ACACB: variants seen among roughly 807,000 people sequenced by gnomAD.
ACACB encodes the protein acetyl-CoA carboxylase 2.
A neutral mutation model predicts 278.8 loss-of-function variants in ACACB; 209 were observed. That is an observed-to-expected ratio of 0.75 (90% CI 0.67 to 0.84). The LOEUF (loss-of-function observed/expected upper bound fraction) is 0.84, where lower values mean the gene tolerates loss of function less well. Among genes scored for constraint, ACACB ranks in the 40% least tolerant of loss-of-function variants. ACACB has a pLI of 0.00. For missense variants in ACACB, 2,850 were observed against 3,269.0 expected (o/e 0.87, Z 3.13); for synonymous variants, 1,174 against 1,285.6 (o/e 0.91, Z 1.86).
At position 109,246,246 on chromosome 12, in the gene ACACB, T is replaced by G; in HGVS notation, c.5369T>G (p.Val1790Gly). Residue 1790 changes from valine (V) to glycine (G), a missense_variant, in exon 39 of 53, where the codon GTC (valine) becomes GGC (glycine). By Grantham distance (109) the Val-to-Gly change is moderately radical. Around this residue, in one of 3 missense-constraint regions of ACACB, gnomAD observed 2,265 missense variants for 2,561.3 expected, o/e 0.88. Coordinates refer to ENST00000338432, the MANE Select transcript of ACACB (RefSeq NM_001093.4). ...QEYPEGRDVI[V>G]IGNDITFRIG... ...TACCCGGAAGGACGGGATGTGATCG[T>G]CATCGGCAATGACATCACCTTTCGC... is the stretch of plus-strand genomic sequence containing the variant. 3 of 1,613,624 alleles carry G rather than the reference T, an allele frequency of 1.9e-6. No homozygotes were observed. In the South Asian group the frequency reaches 3.3e-5, roughly 18 times the overall value.
chr12:109,173,658 C>T (rs1288894907), intron 6 of ACACB, among the ~76,000 whole-genome samples: 6 of 152,188 alleles, frequency 3.9e-5, no homozygotes, highest in South Asian at 2.1e-4. Context: ...AAAACATGGT[C>T]GTGCTTATTC....
At position 109,222,587 on chromosome 12, in the gene ACACB, C is replaced by A; in HGVS notation, c.3645C>A (p.Ser1215Arg). The change falls in exon 25 of 53, where the codon AGC (serine) becomes AGA (arginine). Residue 1215 changes from serine to arginine, a missense_variant. Coordinates refer to ENST00000338432, the MANE Select transcript of ACACB (RefSeq NM_001093.4). ...ILNELTQLSK[S>R]EHCKVALRAR... ...ACGAGCTCACTCAGCTGAGCAAAAG[C>A]GAGCACTGCAAAGTGGCCCTCAGAG... The A allele has an allele frequency of 6.2e-7, 1 of 1,614,180 alleles. No individual in the cohort carries two copies. The highest frequency in any genetic ancestry group is 8.5e-7 in the Non-Finnish European group (1 of 1,180,030).
At chr12:109,240,015 G>T in intron 35 of ACACB, 30 bp downstream of exon 35, 1 of 1,606,134 alleles carries the variant, frequency 6.2e-7, no homozygotes, top group Non-Finnish European at 8.5e-7. Context: ...GCTCTCACCG[G>T]GCTCTGGGTT....
intron 27 of ACACB, among the ~76,000 whole-genome samples, chr12:109,224,532 T>TTTATTATTATTATTA (rs34249818): frequency 2.7e-5 from 4 of 150,006 alleles, no homozygotes; most frequent in African/African-American, 7.4e-5. Flanking sequence ...AATCTGCTCT[T>TTTATTATTATTATTA]TTATTATTAT....
At chr12:109,179,324 G>T (rs750905716) in intron 10 of ACACB, 27 bp downstream of exon 10, 2 of 1,602,702 alleles carry the variant, frequency 1.2e-6, no homozygotes, top group Non-Finnish European at 1.7e-6. Flanking sequence ...CCAGGGGGCA[G>T]CTTCAGAGAG....
intron 20 of ACACB, 32 bp from the exon 21 acceptor site, chr12:109,209,133 G>C (rs1264681377): frequency 6.4e-7 from 1 of 1,559,396 alleles, no homozygotes; most frequent in South Asian, 1.2e-5. Context: ...CCCATGCAGG[G>C]CTGGGGGCTG....
chr12:109,241,368 G>A, intron 36 of ACACB, 87 bp downstream of exon 36: 3 of 1,392,506 alleles, frequency 2.2e-6, no homozygotes, highest in Non-Finnish European at 3.0e-6. Context: ...ATGGCATTTG[G>A]AGGCGGTCTT....
intron 47 of ACACB, 47 bp downstream of exon 47, chr12:109,259,155 C>T (rs1044799151): frequency 1.2e-6 from 2 of 1,602,646 alleles, no homozygotes; most frequent in East Asian, 2.2e-5. Context: ...GGGGTCAGCA[C>T]CCAGGACAGC....
rs990950361 is a variant in ACACB, at chr12:109,184,737, C to T, written c.1819-842C>T. 2.7e-5 allele frequency among the ~76,000 whole-genome samples: 4 copies of T among 145,872 alleles called. No homozygotes were observed. In the East Asian group the frequency reaches 8.0e-4, roughly 29 times the overall value. On this transcript the variant is annotated intron_variant, in intron 11 of 52. Coordinates refer to ENST00000338432, the MANE Select transcript of ACACB (RefSeq NM_001093.4). Reference sequence around the variant, plus strand: ...TTTTTTTTTTTTGGTGATGGAGTCTCGCTCTGTCACTCAGGCTGGAATGCA... The same window carrying T: ...TTTTTTTTTTTTGGTGATGGAGTCTTGCTCTGTCACTCAGGCTGGAATGCA...
intron 16 of ACACB, among the ~76,000 whole-genome samples, chr12:109,195,855 A>G (rs576710301): frequency 6.6e-6 from 1 of 152,300 alleles, no homozygotes; most frequent in African/African-American, 2.4e-5. Flanking sequence ...AGAGCTTGAA[A>G]GTGGCCAGTG....
intron 42 of ACACB, 71 bp downstream of exon 42, chr12:109,252,227 T>C (rs2047115963): frequency 9.4e-7 from 1 of 1,061,220 alleles, no homozygotes; most frequent in African/African-American, 1.6e-5. Flanking sequence ...CCCATTGGTC[T>C]CTGGTGGGGG....
In ACACB at chr12:109,227,389, T is replaced by C; in HGVS notation, c.3901T>C (p.Tyr1301His). 3 of 1,612,650 alleles carry C rather than the reference T, an allele frequency of 1.9e-6. No individual in the cohort carries two copies. Among genetic ancestry groups the C allele is most frequent in the Non-Finnish European group, 2.5e-6 (3 of 1,179,394 alleles). Residue 1301 changes from tyrosine (Y) to histidine (H), a missense_variant, in exon 28 of 53, where the codon TAC becomes CAC. By Grantham distance (83) the Tyr-to-His change is moderately conservative (BLOSUM62 2). Coordinates refer to ENST00000338432, the MANE Select transcript of ACACB (RefSeq NM_001093.4). ...ASLEVYVRRG[Y>H]IAYELNSLQH... ...TTGTCAGGTTTACGTGCGGAGGGGCTACATCGCCTATGAGTTAAACAGCCT... is the reference window on the plus strand; with the variant it reads ...TTGTCAGGTTTACGTGCGGAGGGGCCACATCGCCTATGAGTTAAACAGCCT...
At position 109,256,224 on chromosome 12, in the gene ACACB, CA is replaced by C; in HGVS notation, c.6252del (p.Gly2085AspfsTer12). 1 of 1,613,842 alleles carries C rather than the reference CA, an allele frequency of 6.2e-7. No individual in the cohort carries two copies. ...IMAPWAQTVVTGRARLGGIPV... is the reference protein window; with the variant it reads ...IMAPWAQTVVXGRARLGGIPV... ...GCACCCTGGGCGCAGACCGTGGTGACAGGACGAGCAAGGTAATCATGAAGAC... is the reference window on the plus strand; with the variant it reads ...GCACCCTGGGCGCAGACCGTGGTGACGGACGAGCAAGGTAATCATGAAGAC... On this transcript the variant is annotated frameshift_variant, in exon 45 of 53. Transcript: ENST00000338432. LOFTEE classifies it high-confidence loss of function.
chr12:109,111,445 G>A, the ACACB span: 1 of 152,252 alleles, frequency 6.6e-6, no homozygotes, highest in Admixed American at 6.5e-5. Context: ...ACTCCCTGAT[G>A]ACGCACTGGC....
upstream of ACACB, among the ~76,000 whole-genome samples, chr12:109,114,314 C>G (rs1332706183): frequency 6.6e-6 from 1 of 152,136 alleles, no homozygotes; most frequent in African/African-American, 2.4e-5. Context: ...TCTTTTGTCT[C>G]TCTTAATGAT....
At chr12:109,259,915 A>C in intron 47 of ACACB, 1 of 462,908 alleles carries the variant, frequency 2.2e-6, no homozygotes, top group Non-Finnish European at 4.0e-6. Context: ...TAACTGGGTG[A>C]CATCACTGAG....
intron 50 of ACACB, 52 bp downstream of exon 50, chr12:109,264,438 A>C (rs2047460780): frequency 6.2e-7 from 1 of 1,605,592 alleles, no homozygotes. Flanking sequence ...CTGTTTTCCA[A>C]AACATGGAGG....
upstream of ACACB, among the ~76,000 whole-genome samples, chr12:109,115,585 C>T (rs1004912691): frequency 1.0e-5 from 1 of 99,840 alleles, no homozygotes; most frequent in Non-Finnish European, 1.8e-5. Flanking sequence ...ACCTGCATTC[C>T]TTCACCCCGG....
chr12:109,146,505 CTG>C (rs892450281), intron 2 of ACACB, among the ~76,000 whole-genome samples: 13 of 152,210 alleles, frequency 8.5e-5, no homozygotes, highest in African/African-American at 3.1e-4. Flanking sequence ...GTTCTCACAA[CTG>C]TGTTCCTGTT....
Sources: gnomAD v4.1 joint callset for allele counts (sites outside exome capture counted in the v4.1 genomes callset) on GRCh38, gnomAD v4.1.1 for gene constraint, gnomAD v4.1.1 regional missense constraint, MANE v1.5 for transcripts, NCBI Gene and HGNC (gene_info 2026-07-23, HGNC 2026-07-21) for gene names.